PROSER3: variants seen among roughly 807,000 people sequenced by gnomAD.
The protein encoded by PROSER3 is proline and serine-rich protein 3.
In PROSER3, 33 loss-of-function variants were observed where a neutral mutation model predicts 50.2. The ratio of observed to expected loss-of-function variants is 0.66; its 90% CI spans 0.50 to 0.88. The LOEUF (loss-of-function observed/expected upper bound fraction) is 0.88. Ranked by LOEUF, PROSER3 falls within the 40% of genes least tolerant of loss-of-function variation. PROSER3 has a pLI of 0.00. For missense variants in PROSER3, 623 were observed against 612.7 expected, an observed-to-expected ratio of 1.02 and a Z score of -0.18; for synonymous variants, 266 against 259.3, an observed-to-expected ratio of 1.03 and a Z score of -0.25.
At chr19:35,764,974 G>A (rs750301621) in intron 6 of PROSER3, 38 bp downstream of exon 6, 14 of 1,612,702 alleles carry the variant, frequency 8.7e-6, no homozygotes, top group Middle Eastern at 1.7e-4. Context: ...TTCCTACTGC[G>A]GCTCCACGTG....
downstream of PROSER3, chr19:35,769,305 T>G (rs1283691751): frequency 3.8e-5 from 5 of 132,012 alleles, no homozygotes; most frequent in East Asian, 2.6e-4. Flanking sequence ...CTCCCCAGCT[T>G]CTTTTTTTTT....
In PROSER3 at chr19:35,767,080, T is replaced by G. The variant is rs557040705; in HGVS notation, c.957+125T>G. 3.6e-5 allele frequency: 44 copies of G among 1,213,544 alleles called. No individual in the cohort carries two copies. In the East Asian group the frequency reaches 1.1e-3, roughly 30 times the overall value. 75.2% of individuals were successfully genotyped at this position (1,213,544 alleles called of 1,614,324 possible). A position where few individuals can be genotyped will look rare whatever the true frequency, so the allele number is the denominator to read the frequency against. The stretch of plus-strand genomic sequence containing the variant: ...CTCTTATCTGTCTACAGACCTCTCC[T>G]GCTCCAGTGGAGACCCTCAGTTCTC... On this transcript the variant is annotated intron_variant, in intron 8 of 10. Coordinates refer to ENST00000396908, the Ensembl canonical transcript of PROSER3.
intron 8 of PROSER3, chr19:35,767,657 G>A: frequency 1.9e-6 from 2 of 1,042,294 alleles, no homozygotes; most frequent in Non-Finnish European, 2.8e-6. Context: ...GGTAGTGGCA[G>A]CTCGGCTGTT....
At chr19:35,769,364 G>A (rs1971278197), downstream of PROSER3, 1 of 145,646 alleles carries the variant, frequency 6.9e-6, no homozygotes, top group Non-Finnish European at 1.5e-5. Flanking sequence ...GAGTGCCATA[G>A]TGTGATCTCG....
chr19:35,762,179 C>T lies in PROSER3; in HGVS notation c.439+33C>T, dbSNP rs377501814. ...TTTCAGTGCCATCCACTACTCCCAC[C>T]CCTAAACCTTTGCTGATCAATGCCC... On this transcript the variant is annotated intron_variant, in intron 4 of 10. Coordinates refer to ENST00000396908, the Ensembl canonical transcript of PROSER3. The T allele has an allele frequency of 1.6e-5, 25 of 1,591,040 alleles. No individual in the cohort carries two copies. In the African/African-American group the frequency reaches 3.2e-4, roughly 20 times the overall value.
intron 7 of PROSER3, among the ~76,000 whole-genome samples, 153 bp from the exon 8 acceptor site, chr19:35,766,615 C>T (rs1182488628): frequency 1.3e-5 from 2 of 152,116 alleles, no homozygotes; most frequent in East Asian, 3.9e-4. Flanking sequence ...GACCCCTTCC[C>T]CTCTTCCCAC....
intron 5 of PROSER3, chr19:35,762,596 T>C: frequency 2.1e-6 from 1 of 478,618 alleles, no homozygotes; most frequent in East Asian, 3.6e-5. Flanking sequence ...TGTGGTGGTA[T>C]GTACCTGTAA....
chr19:35,766,671 C>A, intron 7 of PROSER3, 97 bp from the exon 8 acceptor site: 1 of 818,938 alleles, frequency 1.2e-6, no homozygotes, highest in Non-Finnish European at 1.9e-6. Context: ...GTCTGAGTAA[C>A]CCCCTGCACA....
rs1446179276 is a variant in PROSER3 at position 35,762,015 on chromosome 19, A to T, written c.312-4A>T. 7 of 1,593,256 alleles carry T rather than the reference A, an allele frequency of 4.4e-6. No homozygotes were observed. The highest frequency in any genetic ancestry group is 6.0e-6 in the Non-Finnish European group (7 of 1,164,270). On this transcript the variant is annotated splice_region_variant and splice_polypyrimidine_tract_variant and intron_variant, in intron 3 of 10. Transcript: ENST00000396908. The stretch of plus-strand genomic sequence containing the variant: ...ACTCACCTCCTATCCCCTGATGTTC[A>T]CAGGTATATAAACAGGTTCCGCCAG...
rs770073492 is a variant in PROSER3, at chr19:35,759,997, T to C, written c.311+6T>C. On this transcript the variant is annotated splice_donor_region_variant and intron_variant, in intron 3 of 10. Transcript: ENST00000396908. Reference sequence around the variant, plus strand: ...GGGGACTCCGTGGTGGCCAAGTAAGTACCAGCAGCCCTGGGGGAAAAAGAG... The same window carrying C: ...GGGGACTCCGTGGTGGCCAAGTAAGCACCAGCAGCCCTGGGGGAAAAAGAG... 60 of 1,573,648 alleles carry C rather than the reference T, an allele frequency of 3.8e-5. No individual in the cohort carries two copies. The highest frequency in any genetic ancestry group is 5.6e-5 in the Admixed American group (3 of 53,862).
chr19:35,761,778 T>C (rs1204776695), intron 3 of PROSER3, among the ~76,000 whole-genome samples: 1 of 152,142 alleles, frequency 6.6e-6, no homozygotes, highest in African/African-American at 2.4e-5. Flanking sequence ...AGAGGATTTC[T>C]TGAGCCCAGG....
At chr19:35,767,116 G>A in intron 8 of PROSER3, 1 of 948,298 alleles carries the variant, frequency 1.1e-6, no homozygotes, top group South Asian at 1.9e-5. Flanking sequence ...TGGGGACCCA[G>A]CCTAACCATG....
At chr19:35,758,335 C>G in intron 1 of PROSER3, 109 bp downstream of exon 1, 1 of 1,352,424 alleles carries the variant, frequency 7.4e-7, no homozygotes, top group Non-Finnish European at 9.8e-7. Flanking sequence ...TAGGGCTCCA[C>G]CGCACTGGAA....
Position 35,760,000 on chromosome 19 carries a change from C to G in PROSER3, c.311+9C>G. The G allele has an allele frequency of 6.4e-7, 1 of 1,566,210 alleles. No individual in the cohort carries two copies. The highest frequency in any genetic ancestry group is 8.7e-7 in the Non-Finnish European group (1 of 1,155,974). ...GACTCCGTGGTGGCCAAGTAAGTAC[C>G]AGCAGCCCTGGGGGAAAAAGAGGCT... On this transcript the variant is annotated intron_variant, in intron 3 of 10. Coordinates refer to ENST00000396908, the Ensembl canonical transcript of PROSER3.
At chr19:35,763,808 C>CTTTT (rs74172759) in intron 5 of PROSER3, among the ~76,000 whole-genome samples, 1 of 130,576 alleles carries the variant, frequency 7.7e-6, no homozygotes, top group Non-Finnish European at 1.6e-5. Context: ...GCCCGGCCTT[C>CTTTT]TTTTTTTTTT....
chr19:35,762,715 G>T, intron 5 of PROSER3: 1 of 128,022 alleles, frequency 7.8e-6, no homozygotes, highest in Non-Finnish European at 1.5e-5. Context: ...AGTAGAGCAA[G>T]ACCCTGTCTC....
At chr19:35,763,823 T>TA (rs36081983) in intron 5 of PROSER3, among the ~76,000 whole-genome samples, 21 of 149,284 alleles carry the variant, frequency 1.4e-4, no homozygotes, top group African/African-American at 4.2e-4. Flanking sequence ...TTTTTTTTTT[T>TA]AATTAGATAG....
chr19:35,761,096 A>G (rs1970941839), intron 3 of PROSER3, among the ~76,000 whole-genome samples: 2 of 152,160 alleles, frequency 1.3e-5, no homozygotes, highest in Non-Finnish European at 2.9e-5. Flanking sequence ...CCTTTCCTTC[A>G]TGGTGCAAAA....
chr19:35,759,689 C>G (rs751497875), intron 2 of PROSER3, 100 bp from the exon 3 acceptor site: 19 of 1,199,632 alleles, frequency 1.6e-5, no homozygotes, highest in Non-Finnish European at 2.2e-5. Flanking sequence ...GATGTGTTTC[C>G]TCCCCTCTGG....
Sources: allele counts gnomAD v4.1 joint callset (sites outside exome capture counted in the v4.1 genomes callset), GRCh38; gene constraint gnomAD v4.1.1; transcripts MANE v1.5; gene names NCBI Gene and HGNC (gene_info 2026-07-23, HGNC 2026-07-21).